The following RUNDC3B variants were observed in gnomAD, a reference collection of about 807,000 sequenced individuals.
The protein encoded by RUNDC3B is RUN domain containing 3B.
A neutral mutation model predicts 58.4 loss-of-function variants in RUNDC3B; 33 were observed. The observed-to-expected ratio is 0.56, with a 90% CI of 0.43 to 0.75. The LOEUF (loss-of-function observed/expected upper bound fraction) is 0.75. Among genes scored for constraint, RUNDC3B ranks in the 30% least tolerant of loss-of-function variants. RUNDC3B has a pLI of 0.00. For synonymous variants in RUNDC3B, 193 were observed against 195.2 expected (o/e 0.99, Z 0.10); for missense variants, 501 against 535.7 (o/e 0.94, Z 0.64).
In RUNDC3B at chr7:87,821,198, G is replaced by T. The variant is rs551653407; in HGVS notation, c.1225+4936G>T. Among the ~76,000 whole-genome samples, 488 of 151,932 alleles carry T rather than the reference G, an allele frequency of 3.2e-3. 4 individuals carry two copies. The highest frequency in any genetic ancestry group is 4.0e-3 in the Non-Finnish European group (275 of 68,000). ...ATAAGCAACTTCAGCAAAGTCTCAG[G>T]ATACAAAATCAATGTACAAAACTCA... On this transcript the variant is annotated intron_variant, in intron 10 of 10. Transcript: ENST00000394654.
At chr7:87,719,966 A>T (rs1408177272) in intron 4 of RUNDC3B, among the ~76,000 whole-genome samples, 1 of 149,620 alleles carries the variant, frequency 6.7e-6, no homozygotes, top group Non-Finnish European at 1.5e-5. Context: ...AATGAAAAAA[A>T]TTAGTGGAAC....
At chr7:87,795,723 C>CAAA (rs551631238) in intron 8 of RUNDC3B, among the ~76,000 whole-genome samples, 6,095 of 113,268 alleles carry the variant, frequency 0.054, 169 homozygotes, top group East Asian at 0.11. Context: ...ACTAAAAATA[C>CAAA]AAAAAAAAAA....
At chr7:87,660,260 A>G (rs1051781068) in intron 2 of RUNDC3B, among the ~76,000 whole-genome samples, 8 of 151,998 alleles carry the variant, frequency 5.3e-5, no homozygotes, top group Non-Finnish European at 1.2e-4. Context: ...GTGTACATGC[A>G]CTTCAACTAC....
chr7:87,686,105 A>T (rs185891566), intron 2 of RUNDC3B, among the ~76,000 whole-genome samples: 1 of 152,276 alleles, frequency 6.6e-6, no homozygotes, highest in East Asian at 1.9e-4. Flanking sequence ...CCTTAAATTT[A>T]CACTTGATGT....
chr7:87,707,415 T>C (rs1829701968), intron 3 of RUNDC3B, among the ~76,000 whole-genome samples: 1 of 152,162 alleles, frequency 6.6e-6, no homozygotes, highest in African/African-American at 2.4e-5. Flanking sequence ...TGTGATGGCC[T>C]TTAATCCCAG....
intron 2 of RUNDC3B, among the ~76,000 whole-genome samples, chr7:87,691,389 G>A (rs1007576259): frequency 1.3e-5 from 2 of 151,986 alleles, no homozygotes; most frequent in Non-Finnish European, 2.9e-5. Context: ...TAACTATATG[G>A]TATAATTATA....
chr7:87,825,742 A>T (rs1837770382), intron 10 of RUNDC3B, among the ~76,000 whole-genome samples: 1 of 152,208 alleles, frequency 6.6e-6, no homozygotes, highest in Non-Finnish European at 1.5e-5. Context: ...GCCCAAGACC[A>T]TGGGAATCCA....
intron 7 of RUNDC3B, among the ~76,000 whole-genome samples, chr7:87,772,039 A>G (rs919536831): frequency 6.6e-6 from 1 of 152,206 alleles, no homozygotes; most frequent in Non-Finnish European, 1.5e-5. Context: ...AATTGGGAAG[A>G]GGTGCACAGT....
chr7:87,694,093 T>A (rs898544286), intron 2 of RUNDC3B: 21 of 1,489,516 alleles, frequency 1.4e-5, no homozygotes, highest in Non-Finnish European at 1.9e-5. Flanking sequence ...CTTTTTTGTG[T>A]GTTTTTGTTT....
intron 2 of RUNDC3B, among the ~76,000 whole-genome samples, chr7:87,653,575 A>G (rs1179371212): frequency 6.6e-6 from 1 of 152,172 alleles, no homozygotes; most frequent in Non-Finnish European, 1.5e-5. Flanking sequence ...CCATCAAGTT[A>G]TTGGACAGGT....
intron 8 of RUNDC3B, among the ~76,000 whole-genome samples, chr7:87,783,007 T>A (rs77092043): frequency 0.014 from 2,058 of 152,234 alleles, 48 homozygotes; most frequent in African/African-American, 0.047. Flanking sequence ...CATCCAGAAT[T>A]TGTTAAGTTT....
Position 87,822,321 on chromosome 7 carries a change from G to A in RUNDC3B, c.1225+6059G>A, listed in dbSNP as rs571508518. On this transcript the variant is annotated intron_variant, in intron 10 of 10. Transcript: ENST00000394654. ...ATCACTGGCCATCAGAGAAATGCAA[G>A]TCAAAACCACAATGAGATACCGTCT... 2.0e-3 allele frequency among the ~76,000 whole-genome samples: 304 copies of A among 152,278 alleles called. 1 individual carries two copies. Among genetic ancestry groups the A allele is most frequent in the African/African-American group, 6.6e-3 (276 of 41,562 alleles).
intron 4 of RUNDC3B, among the ~76,000 whole-genome samples, chr7:87,716,325 A>T (rs945961574): frequency 5.9e-5 from 9 of 152,186 alleles, no homozygotes. Context: ...AGAGGAGCAA[A>T]GTTTGTTTTT....
chr7:87,823,665 C>G (rs898152216), intron 10 of RUNDC3B, among the ~76,000 whole-genome samples: 1 of 152,126 alleles, frequency 6.6e-6, no homozygotes, highest in East Asian at 1.9e-4. Flanking sequence ...TAAGAAAATA[C>G]GATGTTTGGT....
At chr7:87,648,359 A>T (rs1171035385) in intron 1 of RUNDC3B, among the ~76,000 whole-genome samples, 1 of 152,124 alleles carries the variant, frequency 6.6e-6, no homozygotes. Context: ...GCAAATGTTC[A>T]TATAAAAATG....
intron 1 of RUNDC3B, chr7:87,629,424 C>T (rs1000564542): frequency 6.5e-6 from 1 of 152,768 alleles, no homozygotes; most frequent in African/African-American, 2.4e-5. Context: ...GTGCCTACTA[C>T]ATGCCAGCCA....
chr7:87,639,689 A>G (rs544530180), intron 1 of RUNDC3B, among the ~76,000 whole-genome samples: 1 of 152,240 alleles, frequency 6.6e-6, no homozygotes, highest in African/African-American at 2.4e-5. Context: ...TTTATCTGCT[A>G]CTAATACAGT....
chr7:87,785,192 T>C (rs754590710), intron 8 of RUNDC3B, among the ~76,000 whole-genome samples: 13 of 152,006 alleles, frequency 8.6e-5, no homozygotes, highest in Non-Finnish European at 1.8e-4. Flanking sequence ...CAGCTAGATT[T>C]GTTCCAAGCT....
intron 8 of RUNDC3B, among the ~76,000 whole-genome samples, chr7:87,780,730 A>C (rs1834878226): frequency 6.6e-6 from 1 of 152,136 alleles, no homozygotes; most frequent in East Asian, 1.9e-4. Context: ...CCACTTATTG[A>C]ATAGGGAGTC....
Sources: gnomAD v4.1 joint callset for allele counts (sites outside exome capture counted in the v4.1 genomes callset) on GRCh38, gnomAD v4.1.1 for gene constraint, MANE v1.5 for transcripts, NCBI Gene and HGNC (gene_info 2026-07-23, HGNC 2026-07-21) for gene names.